The following AP5Z1 variants were observed in gnomAD, a reference collection of about 807,000 sequenced individuals.
The protein encoded by AP5Z1 is adaptor related protein complex 5 subunit zeta 1.
Under a neutral mutation model 83.0 loss-of-function variants are expected in AP5Z1, and 106 were observed. The observed-to-expected ratio is 1.28, with a 90% confidence interval of 1.09 to 1.50. AP5Z1 has a LOEUF of 1.50. Among genes scored for constraint, AP5Z1 ranks in the 40% most tolerant of loss-of-function variants. The pLI, the probability that AP5Z1 is intolerant of heterozygous loss-of-function variation, is 0.00. For missense variants in AP5Z1, 1,565 were observed against 1,094.2 expected (o/e 1.43, Z -6.07); for synonymous variants, 751 against 514.1 (o/e 1.46, Z -6.23).
chr7:4,789,055 C>T (rs927402329), intron 13 of AP5Z1, 104 bp downstream of exon 13: 45 of 954,688 alleles, frequency 4.7e-5, no homozygotes, highest in Non-Finnish European at 6.5e-5. Flanking sequence ...GAAGGCTGCT[C>T]CCGCCACACC....
In AP5Z1 at chr7:4,791,696, T is replaced by C. The variant is rs1781780765; in HGVS notation, c.*311T>C. 1.1e-5 allele frequency: 5 copies of C among 455,354 alleles called. No homozygotes were observed. The highest frequency in any genetic ancestry group is 6.9e-5 in the East Asian group (2 of 29,034). The allele number at this position is 455,354 out of a possible 1,614,324, so 28.2% of individuals were successfully genotyped here. ...GCTGCTGGGTCTGTTTCCTAGTCTT[T>C]TGTTTTTGGACAGTTGATGGGCAAG... On this transcript the variant is annotated 3_prime_UTR_variant, in exon 17 of 17. Coordinates refer to ENST00000649063, the MANE Select transcript of AP5Z1 (RefSeq NM_014855.3).
At chr7:4,788,751 G>A (rs1357673040) in intron 12 of AP5Z1, 89 bp from the exon 13 acceptor site, 2 of 1,180,874 alleles carry the variant, frequency 1.7e-6, no homozygotes, top group East Asian at 2.6e-5. Context: ...GGGCTCAGCT[G>A]TGCGAGAGGG....
At chr7:4,788,540 T>C (rs1781633967) in intron 12 of AP5Z1, 2 of 539,994 alleles carry the variant, frequency 3.7e-6, no homozygotes. Flanking sequence ...GTTGGCCCTG[T>C]GGGTGCTCCA....
Position 4,789,940 on chromosome 7 carries a change from C to A in AP5Z1, c.1805+11C>A, listed in dbSNP as rs767910222. 8 of 1,521,536 alleles carry A rather than the reference C, an allele frequency of 5.3e-6. No individual in the cohort carries two copies. The highest frequency in any genetic ancestry group is 7.1e-6 in the Non-Finnish European group (8 of 1,129,370). 94.3% of individuals were successfully genotyped at this position (1,521,536 alleles called of 1,614,324 possible). A position where few individuals can be genotyped will look rare whatever the true frequency, so the allele number is the denominator to read the frequency against. On this transcript the variant is annotated intron_variant, in intron 14 of 16. Coordinates refer to ENST00000649063, the MANE Select transcript of AP5Z1 (RefSeq NM_014855.3). ...TGCCGGTGTGCACAGGTAGGTCCCT[C>A]CTGCGCTCCTGCCACAGCCCTGGGC...
chr7:4,789,796 G>T, intron 13 of AP5Z1, 36 bp from the exon 14 acceptor site: 1 of 1,523,596 alleles, frequency 6.6e-7, no homozygotes, highest in Non-Finnish European at 8.9e-7. Context: ...TGCAGTGGGG[G>T]TGGGGCTGAG....
intron 1 of AP5Z1, among the ~76,000 whole-genome samples, chr7:4,777,696 C>A (rs1012540005): frequency 1.3e-5 from 2 of 152,142 alleles, no homozygotes; most frequent in African/African-American, 4.8e-5. Flanking sequence ...GCTGAGCCCT[C>A]ACTATTTAAA....
At chr7:4,787,996 C>G (rs929809472) in intron 11 of AP5Z1, among the ~76,000 whole-genome samples, 158 bp from the exon 12 acceptor site, 12 of 152,262 alleles carry the variant, frequency 7.9e-5, no homozygotes, top group Admixed American at 3.3e-4. Context: ...AGTGCCTCAC[C>G]CGTCTTCACG....
intron 14 of AP5Z1, 71 bp from the exon 15 acceptor site, chr7:4,790,388 G>A (rs779935795): frequency 6.2e-7 from 1 of 1,607,950 alleles, no homozygotes; most frequent in Admixed American, 1.7e-5. Context: ...GGTTTCTCCA[G>A]GCCCTTGGCC....
rs1010135078 is a variant in AP5Z1, at chr7:4,791,499, A to G, written c.*114A>G. 5.6e-6 allele frequency: 8 copies of G among 1,432,348 alleles called. No individual in the cohort carries two copies. The highest frequency in any genetic ancestry group is 4.3e-5 in the African/African-American group (3 of 69,988). The allele number at this position is 1,432,348 out of a possible 1,614,324, so 88.7% of individuals were successfully genotyped here. ...CGCGGGAGTCCTGGGAGAGGAGGCAAGGCCCACGGTGGGCTTGGCACCCTC... is the reference window on the plus strand; with the variant it reads ...CGCGGGAGTCCTGGGAGAGGAGGCAGGGCCCACGGTGGGCTTGGCACCCTC... On this transcript the variant is annotated 3_prime_UTR_variant, in exon 17 of 17. Transcript: ENST00000649063.
At position 4,779,674 on chromosome 7, in the gene AP5Z1, C is replaced by T. The variant is rs567325290; in HGVS notation, c.42-1501C>T. On this transcript the variant is annotated intron_variant, in intron 1 of 16. Coordinates refer to ENST00000649063, the MANE Select transcript of AP5Z1 (RefSeq NM_014855.3). Reference sequence around the variant, plus strand: ...TTTGTTTTTGAGACGGAGTTTTGCTCTCGTTGCCCAAGCTGGGGTGCAATG... The same window carrying T: ...TTTGTTTTTGAGACGGAGTTTTGCTTTCGTTGCCCAAGCTGGGGTGCAATG... 2.6e-3 allele frequency among the ~76,000 whole-genome samples: 395 copies of T among 151,342 alleles called. 6 individuals are homozygous for T. The highest frequency in any genetic ancestry group is 9.2e-3 in the African/African-American group (378 of 41,232).
At chr7:4,782,464 G>A (rs1488994543) in intron 3 of AP5Z1, among the ~76,000 whole-genome samples, 1 of 152,202 alleles carries the variant, frequency 6.6e-6, no homozygotes. Flanking sequence ...GAGTCTGCAG[G>A]AAGGTTGCGA....
rs1044857534 is a variant in AP5Z1 at position 4,792,239 on chromosome 7, C to CGGGCTCAGCCGCCAGG, written c.*859_*874dup. 2.0e-4 allele frequency: 30 copies of CGGGCTCAGCCGCCAGG among 152,254 alleles called. No individual in the cohort carries two copies. The highest frequency in any genetic ancestry group is 3.2e-3 in the Middle Eastern group (1 of 316). The allele number at this position is 152,254 out of a possible 1,614,324, so 9.4% of individuals were successfully genotyped here. A position where few individuals can be genotyped will look rare whatever the true frequency, so the allele number is the denominator to read the frequency against. ...CGCACGTTCCGCCCGGTGCCTGGGACGGGCTCAGCCGCCAGGGGGCGCCGC... is the reference window on the plus strand; with the variant it reads ...CGCACGTTCCGCCCGGTGCCTGGGACGGGCTCAGCCGCCAGGGGGCTCAGCCGCCAGGGGGCGCCGC... On this transcript the variant is annotated 3_prime_UTR_variant, in exon 17 of 17. Transcript: ENST00000649063.
Position 4,791,458 on chromosome 7 carries a change from T to C in AP5Z1, c.*73T>C. ...CAGCTTGCTACTGAGGCCAGGCTGA[T>C]AGGAGCTCAGGAGGGCGCGGGAGTC... On this transcript the variant is annotated 3_prime_UTR_variant, in exon 17 of 17. Transcript: ENST00000649063. The C allele has an allele frequency of 6.6e-7, 1 of 1,505,904 alleles. No individual in the cohort carries two copies. Among genetic ancestry groups the C allele is most frequent in the Non-Finnish European group, 8.9e-7 (1 of 1,121,866 alleles). 93.3% of individuals were successfully genotyped at this position (1,505,904 alleles called of 1,614,324 possible).
At chr7:4,781,783 C>T (rs771718182) in intron 3 of AP5Z1, 29 bp downstream of exon 3, 3 of 1,508,946 alleles carry the variant, frequency 2.0e-6, no homozygotes, top group South Asian at 2.7e-5. Flanking sequence ...CCCCAGTTGG[C>T]ACCGGATGGC....
intron 12 of AP5Z1, 71 bp from the exon 13 acceptor site, chr7:4,788,769 G>A (rs998308536): frequency 6.0e-6 from 8 of 1,343,950 alleles, no homozygotes; most frequent in African/African-American, 5.8e-5. Flanking sequence ...GGGAGCAGTG[G>A]CGACGTGGCC....
At chr7:4,785,751 T>A (rs1416944005) in intron 9 of AP5Z1, 67 bp downstream of exon 9, 14 of 1,384,056 alleles carry the variant, frequency 1.0e-5, no homozygotes, top group Non-Finnish European at 1.3e-5. Context: ...GGATGGAATT[T>A]CTTCTTCCCT....
chr7:4,791,411 G>A lies in AP5Z1; in HGVS notation c.*26G>A. On this transcript the variant is annotated 3_prime_UTR_variant, in exon 17 of 17. Transcript: ENST00000649063. ...AGGGACAGTGGCCAGGGACTTCGGTGCAGATTAAGAGCCTGGGCAGCCAGC... is the reference window on the plus strand; with the variant it reads ...AGGGACAGTGGCCAGGGACTTCGGTACAGATTAAGAGCCTGGGCAGCCAGC... The A allele has an allele frequency of 1.9e-6, 3 of 1,586,252 alleles. No homozygotes were observed. In the South Asian group the frequency reaches 3.4e-5, roughly 18 times the overall value.
chr7:4,785,141 T>C, intron 7 of AP5Z1, 93 bp downstream of exon 7: 1 of 1,503,504 alleles, frequency 6.7e-7, no homozygotes, highest in Non-Finnish European at 8.9e-7. Context: ...CCTGAGCTAC[T>C]GCTCCACAGA....
At chr7:4,789,789 A>G (rs1562413402) in intron 13 of AP5Z1, 43 bp from the exon 14 acceptor site, 1 of 1,489,152 alleles carries the variant, frequency 6.7e-7, no homozygotes, top group East Asian at 2.5e-5. Flanking sequence ...TAGGGCCTGC[A>G]GTGGGGGTGG....
Sources: allele counts gnomAD v4.1 joint callset (sites outside exome capture counted in the v4.1 genomes callset), GRCh38; gene constraint gnomAD v4.1.1; transcripts MANE v1.5; gene names NCBI Gene and HGNC (gene_info 2026-07-23, HGNC 2026-07-21).